The following FER variants were observed in gnomAD, a reference collection of about 807,000 sequenced individuals.
The protein encoded by FER is tyrosine-protein kinase Fer.
FER carries 63 observed loss-of-function variants against 111.0 expected under a neutral mutation model. That is an observed-to-expected ratio of 0.57 (90% confidence interval 0.46 to 0.70). FER has a LOEUF of 0.70. Among genes scored for constraint, FER ranks in the 30% least tolerant of loss-of-function variants. The probability of loss-of-function intolerance (pLI) is 0.00; values close to 1 mark genes in which losing one functional copy is unlikely to be tolerated. For synonymous variants in FER, 327 were observed against 313.9 expected (o/e 1.04, Z -0.44); for missense variants, 914 against 954.0 (o/e 0.96, Z 0.55).
chr5:108,941,835 A>G (rs1036261272), intron 10 of FER, among the ~76,000 whole-genome samples: 6 of 152,154 alleles, frequency 3.9e-5, no homozygotes, highest in Admixed American at 6.6e-5. Flanking sequence ...GATCTTTAGG[A>G]CAGTGTTGGC....
At chr5:109,054,431 C>G (rs1307432269) in intron 16 of FER, among the ~76,000 whole-genome samples, 1 of 152,156 alleles carries the variant, frequency 6.6e-6, no homozygotes, top group Non-Finnish European at 1.5e-5. Flanking sequence ...CTTCACTGGT[C>G]AAGTGTCCAA....
At chr5:109,122,982 G>A (rs1385174371) in intron 17 of FER, among the ~76,000 whole-genome samples, 1 of 151,896 alleles carries the variant, frequency 6.6e-6, no homozygotes, top group Non-Finnish European at 1.5e-5. Flanking sequence ...TTTTCTTGTA[G>A]GCAATAGATC....
In FER at chr5:108,879,701, A is replaced by AATATATATATAT. The variant is rs1554084618; in HGVS notation, c.924-3682_924-3671dup. On this transcript the variant is annotated intron_variant, in intron 8 of 19. Transcript: ENST00000281092. Reference sequence around the variant, plus strand: ...ATGTATTTTTTTTAGATTAAAAAAAAATATATATATATATATATATATATT... The same window carrying AATATATATATAT: ...ATGTATTTTTTTTAGATTAAAAAAAAATATATATATATATATATATATATATATATATATATT... Among the ~76,000 whole-genome samples the AATATATATATAT allele has an allele frequency of 3.0e-3, 296 of 99,076 alleles. 3 individuals are homozygous for AATATATATATAT. Among genetic ancestry groups the AATATATATATAT allele is most frequent in the African/African-American group, 0.012 (260 of 20,882 alleles). 65.0% of individuals were successfully genotyped at this position (99,076 alleles called of 152,430 possible).
intron 1 of FER, among the ~76,000 whole-genome samples, chr5:108,750,696 A>G (rs1750385170): frequency 6.6e-6 from 1 of 152,208 alleles, no homozygotes; most frequent in Non-Finnish European, 1.5e-5. Context: ...TTCATCTTCG[A>G]TGTAGATGTT....
chr5:108,880,176 A>G (rs1002761948), intron 8 of FER, among the ~76,000 whole-genome samples: 2 of 152,168 alleles, frequency 1.3e-5, no homozygotes, highest in Non-Finnish European at 2.9e-5. Context: ...GTTTAAATGA[A>G]TGATTGAAGT....
chr5:108,997,334 C>T (rs552183993), intron 13 of FER, among the ~76,000 whole-genome samples: 3 of 148,516 alleles, frequency 2.0e-5, no homozygotes, highest in Admixed American at 1.4e-4. Flanking sequence ...AGGAGAATGG[C>T]GTGAACCCAG....
chr5:109,154,982 G>C (rs75194610), intron 17 of FER, among the ~76,000 whole-genome samples: 17,094 of 151,830 alleles, frequency 0.11, 944 homozygotes, highest in Non-Finnish European at 0.12. Flanking sequence ...GGAACTCTGA[G>C]AAACCAGTGT....
intron 15 of FER, among the ~76,000 whole-genome samples, chr5:109,045,299 T>TTTAAG: frequency 9.2e-6 from 1 of 109,060 alleles, no homozygotes; most frequent in Non-Finnish European, 2.0e-5. Flanking sequence ...ATTATATACA[T>TTTAAG]TATATATATA....
intron 17 of FER, among the ~76,000 whole-genome samples, chr5:109,138,504 A>G (rs971998204): frequency 2.0e-4 from 30 of 152,314 alleles, no homozygotes; most frequent in Admixed American, 3.9e-4. Context: ...CACCCTTGTC[A>G]ATTAAATAGT....
chr5:108,824,725 A>G (rs1004386845), intron 3 of FER, among the ~76,000 whole-genome samples: 1 of 152,146 alleles, frequency 6.6e-6, no homozygotes, highest in African/African-American at 2.4e-5. Flanking sequence ...TAATCCTACA[A>G]TTTTACAGAA....
At chr5:109,046,102 A>C (rs558404479) in intron 15 of FER, among the ~76,000 whole-genome samples, 32 of 151,344 alleles carry the variant, frequency 2.1e-4, no homozygotes, top group African/African-American at 7.5e-4. Context: ...CCCTCTGATG[A>C]AATTTTGCCT....
intron 5 of FER, among the ~76,000 whole-genome samples, chr5:108,861,680 C>A (rs1763536395): frequency 6.6e-6 from 1 of 152,036 alleles, no homozygotes; most frequent in South Asian, 2.1e-4. Flanking sequence ...AGAGCATATG[C>A]ATTTATTTAA....
intron 11 of FER, among the ~76,000 whole-genome samples, chr5:108,949,764 T>A (rs184673080): frequency 3.3e-5 from 5 of 152,146 alleles, no homozygotes; most frequent in Non-Finnish European, 4.4e-5. Context: ...GATTTTAGCA[T>A]TGAATATAGT....
intron 2 of FER, among the ~76,000 whole-genome samples, chr5:108,774,612 G>A (rs1377213394): frequency 1.3e-5 from 2 of 152,102 alleles, no homozygotes. Context: ...GGCATGAGAG[G>A]TTATCTCATT....
chr5:109,059,506 G>A (rs569859090), intron 16 of FER, among the ~76,000 whole-genome samples: 4 of 152,236 alleles, frequency 2.6e-5, no homozygotes, highest in East Asian at 3.9e-4. Flanking sequence ...CCAGCCTGGC[G>A]ACAGAGTGAG....
In FER at chr5:108,930,975, C is replaced by T. The variant is rs549513820; in HGVS notation, c.1237-15155C>T. Among the ~76,000 whole-genome samples the T allele has an allele frequency of 7.3e-4, 111 of 151,458 alleles. 1 individual carries two copies. The highest frequency in any genetic ancestry group is 1.1e-3 in the Non-Finnish European group (72 of 67,816). ...CTATCAGTGTAGGGAAGGAAGAAAA[C>T]GATTTGACTTAAATTACATTATAGA... On this transcript the variant is annotated intron_variant, in intron 10 of 19. Transcript: ENST00000281092.
At chr5:108,951,431 C>T (rs1757730833) in intron 11 of FER, among the ~76,000 whole-genome samples, 1 of 152,056 alleles carries the variant, frequency 6.6e-6, no homozygotes, top group Non-Finnish European at 1.5e-5. Flanking sequence ...CCTTAGACCA[C>T]TTAGCCATGC....
intron 6 of FER, among the ~76,000 whole-genome samples, chr5:108,869,129 G>A (rs1020699111): frequency 2.6e-5 from 4 of 152,044 alleles, no homozygotes; most frequent in Non-Finnish European, 5.9e-5. Flanking sequence ...ACTGTTAAAG[G>A]TAAAATGATA....
chr5:108,845,183 T>TTTTGTTTTG (rs1175281035), intron 5 of FER, among the ~76,000 whole-genome samples: 2 of 149,148 alleles, frequency 1.3e-5, no homozygotes, highest in Non-Finnish European at 3.0e-5. Flanking sequence ...TTTTGTTTTG[T>TTTTGTTTTG]TTTTTTTACA....
Sources: gnomAD v4.1 joint callset for allele counts (sites outside exome capture counted in the v4.1 genomes callset) on GRCh38, gnomAD v4.1.1 for gene constraint, MANE v1.5 for transcripts, NCBI Gene and HGNC (gene_info 2026-07-23, HGNC 2026-07-21) for gene names.